Variants in NRCAM observed in about 807,000 individuals in gnomAD.
NRCAM encodes the protein NgCAM-related cell adhesion molecule.
A neutral mutation model predicts 156.5 loss-of-function variants in NRCAM; 83 were observed. That is an observed-to-expected ratio of 0.53 (90% CI 0.44 to 0.64). NRCAM has a LOEUF of 0.64. Among genes scored for constraint, NRCAM ranks in the 30% least tolerant of loss-of-function variants. NRCAM has a pLI of 0.00. For synonymous variants in NRCAM, 538 were observed against 563.9 expected (o/e 0.95, Z 0.65); for missense variants, 1,417 against 1,597.3 (o/e 0.89, Z 1.92).
chr7:108,333,341 A>C (rs2099146450), intron 2 of NRCAM, among the ~76,000 whole-genome samples: 1 of 152,182 alleles, frequency 6.6e-6, no homozygotes, highest in African/African-American at 2.4e-5. Context: ...ATAAGAATAT[A>C]CTACATAGAA....
chr7:108,299,573 T>C (rs1172054891), intron 3 of NRCAM, among the ~76,000 whole-genome samples: 1 of 152,224 alleles, frequency 6.6e-6, no homozygotes. Flanking sequence ...GTTGCACCTA[T>C]TTATTCTCTG....
At chr7:108,430,954 C>T (rs1004189038) in intron 1 of NRCAM, among the ~76,000 whole-genome samples, 1 of 152,178 alleles carries the variant, frequency 6.6e-6, no homozygotes, top group African/African-American at 2.4e-5. Context: ...AACTGAAAAT[C>T]CATAAGCTCC....
Position 108,195,861 on chromosome 7 carries a change from G to C in NRCAM, c.1363C>G (p.Arg455Gly), listed in dbSNP as rs752800979. 9 of 1,606,630 alleles carry C rather than the reference G, an allele frequency of 5.6e-6. No homozygotes were observed. The Admixed American group carries it at 6.7e-5, about 12-fold the overall frequency. ...AGTGTGTTTGCAGGTGTGAGGATTCGTGGTGGCTCAGCTACAAATATTTTT... is the reference window on the plus strand; with the variant it reads ...AGTGTGTTTGCAGGTGTGAGGATTCCTGGTGGCTCAGCTACAAATATTTTT... ...AFVNVLAEPP[R>G]ILTPANTLYQ... is the part of the protein sequence containing the mutation. The change falls in exon 15 of 33, where the codon CGA becomes GGA. Residue 455 changes from arginine (R) to glycine (G), a missense_variant. By Grantham distance (125) the Arg-to-Gly change is moderately radical. Coordinates refer to ENST00000379028, the MANE Select transcript of NRCAM (RefSeq NM_001037132.4).
rs771358930 is a variant in NRCAM at position 108,195,771 on chromosome 7, T to C, written c.1453A>G (p.Thr485Ala). The C allele has an allele frequency of 9.3e-5, 148 of 1,588,174 alleles. No homozygotes were observed. The highest frequency in any genetic ancestry group is 1.2e-4 in the Non-Finnish European group (135 of 1,156,692). ...AGAGCTGCTACTTACCACTCGATGG[T>C]TGGGAGAGGAGACCCAAAGAAGGCA... ...DCAFFGSPLPTIEWFKGAKGS... is the reference protein window; with the variant it reads ...DCAFFGSPLPAIEWFKGAKGS... The change falls in exon 15 of 33, where the codon ACC (threonine) becomes GCC (alanine). Residue 485 changes from threonine to alanine, a missense_variant. Around this residue, in one of 2 missense-constraint regions of NRCAM, gnomAD observed 1,238 missense variants for 1,336.4 expected, o/e 0.93. Transcript: ENST00000379028.
intron 11 of NRCAM, among the ~76,000 whole-genome samples, chr7:108,222,139 T>C (rs2092495137): frequency 1.3e-5 from 2 of 152,196 alleles, no homozygotes; most frequent in East Asian, 3.9e-4. Context: ...GATATTTCCT[T>C]ATAGTCAGAC....
intron 2 of NRCAM, among the ~76,000 whole-genome samples, chr7:108,325,821 A>G (rs1231325673): frequency 6.6e-6 from 1 of 152,134 alleles, no homozygotes; most frequent in African/African-American, 2.4e-5. Context: ...TTAACTCCAC[A>G]GAGTGATCAG....
chr7:108,316,554 T>A (rs577928034), intron 2 of NRCAM, among the ~76,000 whole-genome samples: 1 of 151,766 alleles, frequency 6.6e-6, no homozygotes, highest in East Asian at 1.9e-4. Flanking sequence ...AGCAGGCAGA[T>A]CACGAAGTCA....
chr7:108,361,224 T>C (rs113352330), intron 2 of NRCAM, among the ~76,000 whole-genome samples: 4,219 of 152,308 alleles, frequency 0.028, 188 homozygotes, highest in African/African-American at 0.095. Context: ...ATTCAAAACA[T>C]TGACAATTTC....
chr7:108,231,037 C>A lies in NRCAM; in HGVS notation c.544G>T (p.Asp182Tyr). 2 of 1,603,254 alleles carry A rather than the reference C, an allele frequency of 1.2e-6. No individual in the cohort carries two copies. Among genetic ancestry groups the A allele is most frequent in the Non-Finnish European group, 1.7e-6 (2 of 1,172,062 alleles). Residue 182 changes from aspartate to tyrosine, a missense_variant, in exon 8 of 33, where the codon GAT becomes TAT. Coordinates refer to ENST00000379028, the MANE Select transcript of NRCAM (RefSeq NM_001037132.4). Reference sequence around the variant, plus strand: ...TCATATTATCAAAACTTACAATTATCCATCCAAAATATTATAGGTGGTGGT... The same window carrying A: ...TCATATTATCAAAACTTACAATTATACATCCAAAATATTATAGGTGGTGGT... ...GLPPPIIFWM[D>Y]NSFQRLPQSE... is the part of the protein sequence containing the mutation.
intron 2 of NRCAM, among the ~76,000 whole-genome samples, chr7:108,326,363 C>T (rs1299899845): frequency 6.6e-6 from 1 of 152,116 alleles, no homozygotes; most frequent in Admixed American, 6.5e-5. Context: ...AGTATTCTTA[C>T]AATCTTATTT....
At chr7:108,196,326 T>C (rs1229560645) in intron 14 of NRCAM, among the ~76,000 whole-genome samples, 2 of 151,902 alleles carry the variant, frequency 1.3e-5, no homozygotes, top group East Asian at 1.9e-4. Flanking sequence ...AAAACAAAAA[T>C]AGACAAATGG....
chr7:108,271,112 T>C (rs1004564613), intron 3 of NRCAM, among the ~76,000 whole-genome samples: 2 of 152,184 alleles, frequency 1.3e-5, no homozygotes, highest in African/African-American at 4.8e-5. Flanking sequence ...TACTTAAAAA[T>C]GGTTAAAACG....
intron 2 of NRCAM, among the ~76,000 whole-genome samples, chr7:108,393,360 C>T (rs192292412): frequency 5.3e-5 from 8 of 152,264 alleles, no homozygotes; most frequent in East Asian, 3.9e-4. Flanking sequence ...TGGGACCCTC[C>T]GAGCCAGGTG....
Position 108,168,421 on chromosome 7 carries a change from A to C in NRCAM, c.3188-19T>G. ...GCTTGAACTAAACATACAATAGAAA[A>C]ATAAAACAAACAATCATATTGCAAC... On this transcript the variant is annotated intron_variant, in intron 28 of 32. Coordinates refer to ENST00000379028, the MANE Select transcript of NRCAM (RefSeq NM_001037132.4). 1 of 1,578,370 alleles carries C rather than the reference A, an allele frequency of 6.3e-7. No homozygotes were observed.
intron 20 of NRCAM, among the ~76,000 whole-genome samples, chr7:108,187,689 C>G (rs541941449): frequency 6.6e-6 from 1 of 152,128 alleles, no homozygotes; most frequent in East Asian, 1.9e-4. Flanking sequence ...CAGTGGCTCA[C>G]GCCTGTAATC....
At chr7:108,248,799 T>C (rs984946750) in intron 3 of NRCAM, among the ~76,000 whole-genome samples, 4 of 152,160 alleles carry the variant, frequency 2.6e-5, no homozygotes, top group Non-Finnish European at 5.9e-5. Flanking sequence ...TGGGAAATGC[T>C]GGGGTGTGGG....
intron 2 of NRCAM, among the ~76,000 whole-genome samples, chr7:108,364,765 C>T (rs1459899499): frequency 7.6e-6 from 1 of 132,004 alleles, no homozygotes; most frequent in African/African-American, 2.9e-5. Context: ...CCATTCCACT[C>T]ATATGAAATG....
At chr7:108,170,709 G>A (rs911263176) in intron 28 of NRCAM, among the ~76,000 whole-genome samples, 14 of 152,162 alleles carry the variant, frequency 9.2e-5, no homozygotes, top group Non-Finnish European at 1.3e-4. Flanking sequence ...GGTATGTCAC[G>A]GGCATATGTT....
chr7:108,384,111 G>A (rs2099723266), intron 2 of NRCAM, among the ~76,000 whole-genome samples: 1 of 152,060 alleles, frequency 6.6e-6, no homozygotes. Flanking sequence ...TGGGAGGGTG[G>A]GAGGAAGAAG....
Sources: gnomAD v4.1 joint callset for allele counts (sites outside exome capture counted in the v4.1 genomes callset) on GRCh38, gnomAD v4.1.1 for gene constraint, gnomAD v4.1.1 regional missense constraint, MANE v1.5 for transcripts, NCBI Gene and HGNC (gene_info 2026-07-23, HGNC 2026-07-21) for gene names.